ADGRD1: variants seen among roughly 807,000 people sequenced by gnomAD.
The protein encoded by ADGRD1 is adhesion G protein-coupled receptor D1, also known as G-protein coupled receptor 133.
ADGRD1 carries 77 observed loss-of-function variants against 113.4 expected under a neutral mutation model. That is an observed-to-expected ratio of 0.68 (90% CI 0.57 to 0.82). The LOEUF (loss-of-function observed/expected upper bound fraction) is 0.82, where lower values mean the gene tolerates loss of function less well. Among genes scored for constraint, ADGRD1 ranks in the 40% least tolerant of loss-of-function variants. The pLI, the probability that ADGRD1 is intolerant of heterozygous loss-of-function variation, is 0.00. For missense variants in ADGRD1, 1,036 were observed against 1,139.1 expected (o/e 0.91, Z 1.30); for synonymous variants, 474 against 475.0 (o/e 1.00, Z 0.03).
At chr12:130,981,270 T>G (rs1046714876) in intron 4 of ADGRD1, 2 of 152,088 alleles carry the variant, frequency 1.3e-5, no homozygotes, top group African/African-American at 4.8e-5. Flanking sequence ...AAAAAAAGAC[T>G]GTGGTGCTTG....
chr12:131,124,410 A>G (rs1237811042), intron 20 of ADGRD1, among the ~76,000 whole-genome samples: 2 of 152,234 alleles, frequency 1.3e-5, no homozygotes, highest in African/African-American at 4.8e-5. Flanking sequence ...GTGCTTCAAG[A>G]TTATATGCAC....
chr12:131,120,826 C>T (rs747882319), intron 19 of ADGRD1, 21 bp from the exon 20 acceptor site: 11 of 1,613,756 alleles, frequency 6.8e-6, no homozygotes, highest in Middle Eastern at 1.6e-4. Flanking sequence ...GTTGAAGTAA[C>T]GGCTCTGCTT....
chr12:131,077,850 G>T (rs181270758), intron 14 of ADGRD1, among the ~76,000 whole-genome samples: 3 of 152,140 alleles, frequency 2.0e-5, no homozygotes, highest in Non-Finnish European at 2.9e-5. Flanking sequence ...CAATCCTTCC[G>T]CCTCTCAAAG....
intron 13 of ADGRD1, among the ~76,000 whole-genome samples, chr12:131,045,430 C>T (rs995619721): frequency 6.6e-6 from 1 of 152,168 alleles, no homozygotes; most frequent in Non-Finnish European, 1.5e-5. Flanking sequence ...TCACAAGGGG[C>T]TCCAGGAGGA....
chr12:131,098,666 T>C (rs1949999941), intron 15 of ADGRD1, among the ~76,000 whole-genome samples: 1 of 152,170 alleles, frequency 6.6e-6, no homozygotes, highest in Admixed American at 6.5e-5. Flanking sequence ...CATGGCCGTG[T>C]GAGGGCCACC....
intron 14 of ADGRD1, among the ~76,000 whole-genome samples, chr12:131,078,507 T>G (rs1885824793): frequency 6.6e-6 from 1 of 152,202 alleles, no homozygotes; most frequent in South Asian, 2.1e-4. Context: ...TAGAAATAGT[T>G]ATTCCAATTC....
intron 13 of ADGRD1, among the ~76,000 whole-genome samples, chr12:131,019,819 C>G (rs112432820): frequency 0.012 from 1,122 of 90,236 alleles, no homozygotes; most frequent in Middle Eastern, 0.042. Flanking sequence ...GGGGGTGCTC[C>G]AGGGAGATAT....
chr12:131,116,126 C>G (rs1016288366), intron 18 of ADGRD1, among the ~76,000 whole-genome samples: 3 of 152,238 alleles, frequency 2.0e-5, no homozygotes, highest in Admixed American at 1.3e-4. Context: ...GCTCCTGCAG[C>G]TCATTTTGGA....
chr12:131,118,682 G>A (rs1318972993), intron 19 of ADGRD1, among the ~76,000 whole-genome samples: 4 of 152,194 alleles, frequency 2.6e-5, no homozygotes, highest in Non-Finnish European at 5.9e-5. Flanking sequence ...ACCACAGAGC[G>A]CCTCCAGGAA....
intron 13 of ADGRD1, among the ~76,000 whole-genome samples, chr12:131,030,401 G>A (rs1459629886): frequency 6.6e-6 from 1 of 152,236 alleles, no homozygotes; most frequent in Non-Finnish European, 1.5e-5. Context: ...TTGGGGCAGT[G>A]GCTCTATCTC....
intron 9 of ADGRD1, chr12:131,002,377 A>C: frequency 3.6e-6 from 1 of 276,582 alleles, no homozygotes; most frequent in Non-Finnish European, 5.5e-6. Context: ...AAATCAGGCT[A>C]TGGGCCTAAA....
chr12:131,062,031 T>G (rs1000556893), intron 13 of ADGRD1, among the ~76,000 whole-genome samples: 12 of 152,222 alleles, frequency 7.9e-5, no homozygotes, highest in African/African-American at 2.9e-4. Flanking sequence ...GTTTGTTTTT[T>G]GTTTTTTTTT....
intron 13 of ADGRD1, among the ~76,000 whole-genome samples, chr12:131,059,237 G>A (rs535802348): frequency 2.4e-4 from 36 of 152,142 alleles, no homozygotes; most frequent in Middle Eastern, 3.4e-3. Flanking sequence ...GTATAGTGAC[G>A]CCATCCTGGC....
At chr12:131,078,733 C>T (rs887496374) in intron 14 of ADGRD1, among the ~76,000 whole-genome samples, 11 of 152,140 alleles carry the variant, frequency 7.2e-5, no homozygotes, top group African/African-American at 2.4e-4. Context: ...ACTAAAACAT[C>T]ACAGATGATG....
chr12:131,076,109 C>T lies in ADGRD1; in HGVS notation c.1474-692C>T, dbSNP rs75685647. Among the ~76,000 whole-genome samples the T allele has an allele frequency of 7.3e-3, 1,117 of 152,268 alleles. 16 individuals carry two copies. The highest frequency in any genetic ancestry group is 0.026 in the African/African-American group (1,071 of 41,548). On this transcript the variant is annotated intron_variant, in intron 13 of 24. Transcript: ENST00000261654. ...CAGCCCAGGAGAGAACGCCAGTCTC[C>T]GGAACAAGGTGGTCTCATGGACCTG...
rs1306253484 is a variant in ADGRD1 at position 131,113,954 on chromosome 12, A to G, written c.2042-4431A>G. On this transcript the variant is annotated intron_variant, in intron 18 of 24. Transcript: ENST00000261654. This position sits in a 1 kb window ranked among gnomAD's most constrained non-coding sequence, Gnocchi z 4.9. Reference sequence around the variant, plus strand: ...AGTTTATTATAGTTTCTTTATGGATACAGTCATGTAATTTAGAGGCATACG... The same window carrying G: ...AGTTTATTATAGTTTCTTTATGGATGCAGTCATGTAATTTAGAGGCATACG... 6.6e-6 allele frequency among the ~76,000 whole-genome samples: 1 copy of G among 152,206 alleles called. No homozygotes were observed. Among genetic ancestry groups the G allele is most frequent in the Non-Finnish European group, 1.5e-5 (1 of 68,032 alleles).
chr12:131,015,569 GATGGGA>G (rs1878462438), intron 13 of ADGRD1, among the ~76,000 whole-genome samples: 1 of 151,516 alleles, frequency 6.6e-6, no homozygotes, highest in African/African-American at 2.4e-5. Context: ...TGGAGATGGA[GATGGGA>G]ATGGAGATGG....
At position 130,971,952 on chromosome 12, in the gene ADGRD1, G is replaced by T. The variant is rs989135726; in HGVS notation, c.310+372G>T. Among the ~76,000 whole-genome samples the T allele has an allele frequency of 2.0e-5, 3 of 152,194 alleles. No individual in the cohort carries two copies. The highest frequency in any genetic ancestry group is 4.4e-5 in the Non-Finnish European group (3 of 68,034). Reference sequence around the variant, plus strand: ...CATGGCACCTGCAGTGTGATTTCTGGCTCTGGGATGTTGACGGTGAGCGGG... The same window carrying T: ...CATGGCACCTGCAGTGTGATTTCTGTCTCTGGGATGTTGACGGTGAGCGGG... On this transcript the variant is annotated intron_variant, in intron 4 of 24. Transcript: ENST00000261654. The surrounding 1 kb of genome is among the most constrained non-coding windows in gnomAD (Gnocchi z 4.2).
chr12:130,986,913 C>T (rs34095890), intron 5 of ADGRD1, 182 bp from the exon 6 acceptor site: 61,249 of 590,228 alleles, frequency 0.1, 3,635 homozygotes, highest in Middle Eastern at 0.16. Flanking sequence ...AGATAACATC[C>T]TTCCTGTGCT....
Sources: gnomAD v4.1 joint callset for allele counts (sites outside exome capture counted in the v4.1 genomes callset) on GRCh38, gnomAD v4.1.1 for gene constraint, Gnocchi (gnomAD v3.1) non-coding constraint, MANE v1.5 for transcripts, NCBI Gene and HGNC (gene_info 2026-07-23, HGNC 2026-07-21) for gene names.